The following GFRAL variants were observed in gnomAD, a reference collection of about 807,000 sequenced individuals.
The protein encoded by GFRAL is GDNF family receptor alpha like.
Under a neutral mutation model 45.4 loss-of-function variants are expected in GFRAL, and 36 were observed. That is an observed-to-expected ratio of 0.79 (90% CI 0.61 to 1.05). GFRAL has a LOEUF of 1.05. Ranked by LOEUF, GFRAL falls within the 50% of genes least tolerant of loss-of-function variation. The probability of loss-of-function intolerance (pLI) is 0.00; values close to 1 mark genes in which losing one functional copy is unlikely to be tolerated. For missense variants in GFRAL, 507 were observed against 467.5 expected, an observed-to-expected ratio of 1.08 and a Z score of -0.78; for synonymous variants, 166 against 154.1, an observed-to-expected ratio of 1.08 and a Z score of -0.57.
intron 6 of GFRAL, among the ~76,000 whole-genome samples, chr6:55,359,586 CAT>C (rs879390839): frequency 4.6e-5 from 7 of 151,926 alleles, no homozygotes; most frequent in Non-Finnish European, 7.4e-5. Context: ...GGGGGTCACT[CAT>C]GTGCCTATAG....
At chr6:55,375,258 T>C (rs532670386) in intron 6 of GFRAL, among the ~76,000 whole-genome samples, 1 of 152,322 alleles carries the variant, frequency 6.6e-6, no homozygotes, top group South Asian at 2.1e-4. Flanking sequence ...TCCATGAGCA[T>C]GGAATGTTTC....
intron 3 of GFRAL, among the ~76,000 whole-genome samples, chr6:55,335,347 T>C (rs942958366): frequency 2.0e-5 from 3 of 152,182 alleles, no homozygotes; most frequent in Non-Finnish European, 4.4e-5. Flanking sequence ...TTGAGAGCTG[T>C]TTCTGCAAGT....
Position 55,401,777 on chromosome 6 carries a change from T to C in GFRAL, c.1122-13T>C. 7.0e-7 allele frequency: 1 copy of C among 1,421,958 alleles called. No individual in the cohort carries two copies. Among genetic ancestry groups the C allele is most frequent in the Non-Finnish European group, 1.0e-6 (1 of 1,004,870 alleles). 88.1% of individuals were successfully genotyped at this position (1,421,958 alleles called of 1,614,324 possible). A position where few individuals can be genotyped will look rare whatever the true frequency, so the allele number is the denominator to read the frequency against. ...AATGGCATGTTGTTAACTTTTACTTTTATTTTATACAGAACTTCCAGAATA... is the reference window on the plus strand; with the variant it reads ...AATGGCATGTTGTTAACTTTTACTTCTATTTTATACAGAACTTCCAGAATA... On this transcript the variant is annotated splice_polypyrimidine_tract_variant and intron_variant, in intron 8 of 8. Coordinates refer to ENST00000340465, the MANE Select transcript of GFRAL (RefSeq NM_207410.2).
At chr6:55,335,841 A>G (rs930179872) in intron 3 of GFRAL, among the ~76,000 whole-genome samples, 1 of 152,168 alleles carries the variant, frequency 6.6e-6, no homozygotes, top group Non-Finnish European at 1.5e-5. Flanking sequence ...ATCAAGTAGT[A>G]TGATTCCATT....
chr6:55,398,211 T>G (rs1473531496), intron 6 of GFRAL, among the ~76,000 whole-genome samples: 1 of 152,192 alleles, frequency 6.6e-6, no homozygotes, highest in Non-Finnish European at 1.5e-5. Context: ...TTTCATCGGA[T>G]GTAATATCCC....
At position 55,331,765 on chromosome 6, in the gene GFRAL, A is replaced by G; in HGVS notation, c.73A>G (p.Thr25Ala). The part of the protein sequence containing the change: ...NEYTSQTNNC[T>A]YLREQCLRDA... ...ATACACTTCCCAAACCAATAATTGC[A>G]CATATTTAAGAGAGCAATGCTTACG... Residue 25 changes from threonine to alanine, a missense_variant, in exon 2 of 9, where the codon ACA becomes GCA. Physicochemically the swap from Thr to Ala is moderately conservative, Grantham distance 58 (BLOSUM62 0). Transcript: ENST00000340465. 6.8e-6 allele frequency: 11 copies of G among 1,611,042 alleles called. No individual in the cohort carries two copies. The highest frequency in any genetic ancestry group is 9.3e-6 in the Non-Finnish European group (11 of 1,178,334).
At chr6:55,388,449 A>C (rs1232720898) in intron 6 of GFRAL, among the ~76,000 whole-genome samples, 1 of 152,242 alleles carries the variant, frequency 6.6e-6, no homozygotes, top group African/African-American at 2.4e-5. Context: ...CAGGCCAGAC[A>C]TGATTCAATC....
At chr6:55,389,113 T>G (rs370514847) in intron 6 of GFRAL, among the ~76,000 whole-genome samples, 1 of 152,204 alleles carries the variant, frequency 6.6e-6, no homozygotes, top group South Asian at 2.1e-4. Flanking sequence ...TTATGTTAAG[T>G]TCAGGGGTAC....
chr6:55,356,365 T>C (rs1320577173), intron 5 of GFRAL, among the ~76,000 whole-genome samples: 1 of 151,944 alleles, frequency 6.6e-6, no homozygotes, highest in East Asian at 1.9e-4. Flanking sequence ...GGAGACTTTC[T>C]ATTATAGCTT....
At position 55,399,435 on chromosome 6, in the gene GFRAL, A is replaced by T. The variant is rs758608419; in HGVS notation, c.1115A>T (p.Lys372Met). 11 of 1,599,756 alleles carry T rather than the reference A, an allele frequency of 6.9e-6. No individual in the cohort carries two copies. The South Asian group carries it at 1.2e-4, about 18-fold the overall frequency. ...TCGILLLVMV[K>M]LRTSRISSKA... Reference sequence around the variant, plus strand: ...GGAATCCTTCTGTTGGTTATGGTCAAGCTTAGGTAACTGAATATAAATTAG... The same window carrying T: ...GGAATCCTTCTGTTGGTTATGGTCATGCTTAGGTAACTGAATATAAATTAG... The change falls in exon 8 of 9, where the codon AAG becomes ATG. Residue 372 changes from lysine (K) to methionine (M), a missense_variant. By Grantham distance (95) the Lys-to-Met change is moderately conservative. Transcript: ENST00000340465.
chr6:55,378,221 C>T (rs961126614), intron 6 of GFRAL, among the ~76,000 whole-genome samples: 6 of 151,906 alleles, frequency 3.9e-5, no homozygotes, highest in Admixed American at 1.3e-4. Flanking sequence ...TCTTAGGTTG[C>T]AGCTGCATAA....
chr6:55,359,700 C>T (rs1768247911), intron 6 of GFRAL, among the ~76,000 whole-genome samples: 1 of 151,918 alleles, frequency 6.6e-6, no homozygotes, highest in Admixed American at 6.6e-5. Flanking sequence ...ATGACATCTT[C>T]AGCAATATAG....
At chr6:55,385,338 A>T (rs866324050) in intron 6 of GFRAL, among the ~76,000 whole-genome samples, 1 of 152,190 alleles carries the variant, frequency 6.6e-6, no homozygotes. Flanking sequence ...ACATCTAAAG[A>T]TACTGCTGTT....
intron 3 of GFRAL, among the ~76,000 whole-genome samples, chr6:55,343,712 C>A (rs991230438): frequency 2.0e-5 from 3 of 152,130 alleles, no homozygotes; most frequent in South Asian, 2.1e-4. Context: ...ACACAAAAAA[C>A]CCTTCAAAAA....
At chr6:55,336,763 T>C (rs1475173432) in intron 3 of GFRAL, among the ~76,000 whole-genome samples, 2 of 152,176 alleles carry the variant, frequency 1.3e-5, no homozygotes, top group African/African-American at 4.8e-5. Context: ...ATATATTAAA[T>C]AGAATTGTTG....
At chr6:55,377,881 G>A (rs1581755518) in intron 6 of GFRAL, among the ~76,000 whole-genome samples, 1 of 152,056 alleles carries the variant, frequency 6.6e-6, no homozygotes, top group East Asian at 1.9e-4. Flanking sequence ...ACATGTAAAG[G>A]AGATGGGGTG....
At chr6:55,380,101 C>T (rs1768588855) in intron 6 of GFRAL, among the ~76,000 whole-genome samples, 1 of 151,928 alleles carries the variant, frequency 6.6e-6, no homozygotes, top group African/African-American at 2.4e-5. Flanking sequence ...GCAGATATAT[C>T]TTCAGCACAC....
At chr6:55,398,567 A>G (rs926976644) in intron 6 of GFRAL, among the ~76,000 whole-genome samples, 1 of 152,192 alleles carries the variant, frequency 6.6e-6, no homozygotes, top group Non-Finnish European at 1.5e-5. Flanking sequence ...CCTCACAGGG[A>G]AAGATTTGTT....
chr6:55,364,630 G>T (rs1244039254), intron 6 of GFRAL, among the ~76,000 whole-genome samples: 1 of 148,490 alleles, frequency 6.7e-6, no homozygotes, highest in Non-Finnish European at 1.5e-5. Context: ...GTGTAAGGAA[G>T]GGATTCAGTT....
Sources: allele counts gnomAD v4.1 joint callset (sites outside exome capture counted in the v4.1 genomes callset), GRCh38; gene constraint gnomAD v4.1.1; transcripts MANE v1.5; gene names NCBI Gene and HGNC (gene_info 2026-07-23, HGNC 2026-07-21).